The following KYAT1 variants were observed in gnomAD, a reference collection of about 807,000 sequenced individuals.
KYAT1 encodes kynurenine aminotransferase 1.
A neutral mutation model predicts 52.4 loss-of-function variants in KYAT1; 47 were observed. That is an observed-to-expected ratio of 0.90 (90% CI 0.71 to 1.14). The LOEUF (loss-of-function observed/expected upper bound fraction) is 1.14. Ranked by LOEUF, KYAT1 falls within the 50% of genes most tolerant of loss-of-function variation. KYAT1 has a pLI of 0.00. For missense variants in KYAT1, 480 were observed against 557.9 expected, an observed-to-expected ratio of 0.86 and a Z score of 1.41; for synonymous variants, 212 against 209.6, an observed-to-expected ratio of 1.01 and a Z score of -0.10.
Position 128,869,694 on chromosome 9 carries a change from A to G in KYAT1, c.-7+12203T>C, listed in dbSNP as rs544337430. On this transcript the variant is annotated intron_variant, in intron 1 of 12. Coordinates refer to ENST00000302586, the MANE Select transcript of KYAT1 (RefSeq NM_004059.5). The stretch of plus-strand genomic sequence containing the variant: ...AGCAATCCTCCCGTTTCGGCCTTCC[A>G]AAGTGCTTGGATTACAGGTGTGAGC... Among the ~76,000 whole-genome samples the G allele has an allele frequency of 3.6e-4, 54 of 151,932 alleles. 1 individual carries two copies. The highest frequency in any genetic ancestry group is 1.3e-3 in the African/African-American group (52 of 41,430).
chr9:128,880,685 G>A (rs975900538), intron 1 of KYAT1, among the ~76,000 whole-genome samples: 1 of 151,800 alleles, frequency 6.6e-6, no homozygotes, highest in African/African-American at 2.4e-5. Context: ...CTCGTGATCC[G>A]CCCGCCTCAG....
intron 1 of KYAT1, among the ~76,000 whole-genome samples, chr9:128,862,087 C>G (rs1198278164): frequency 1.3e-5 from 2 of 152,210 alleles, no homozygotes; most frequent in African/African-American, 2.4e-5. Flanking sequence ...ACATCGGACT[C>G]TGTGTCCATC....
chr9:128,879,259 G>A (rs535142703), intron 1 of KYAT1, among the ~76,000 whole-genome samples: 13 of 151,880 alleles, frequency 8.6e-5, no homozygotes, highest in African/African-American at 2.2e-4. Flanking sequence ...GCAGTGAGCC[G>A]AGATTGCACC....
rs182659618 is a variant in KYAT1, at chr9:128,849,359, C to T, written c.-6-3948G>A. On this transcript the variant is annotated intron_variant, in intron 1 of 12. Transcript: ENST00000302586. Reference sequence around the variant, plus strand: ...CCAGGAGGCGGAGGTTGCAGTGAGCCGAGATCACACCACTGCACTCCAGGC... The same window carrying T: ...CCAGGAGGCGGAGGTTGCAGTGAGCTGAGATCACACCACTGCACTCCAGGC... Among the ~76,000 whole-genome samples the T allele has an allele frequency of 3.8e-3, 490 of 128,788 alleles. 2 individuals carry two copies. Among genetic ancestry groups the T allele is most frequent in the African/African-American group, 0.014 (470 of 33,036 alleles). 84.5% of individuals were successfully genotyped at this position (128,788 alleles called of 152,430 possible). A position where few individuals can be genotyped will look rare whatever the true frequency, so the allele number is the denominator to read the frequency against.
intron 1 of KYAT1, among the ~76,000 whole-genome samples, chr9:128,846,221 G>C (rs1833072210): frequency 6.6e-6 from 1 of 152,210 alleles, no homozygotes; most frequent in African/African-American, 2.4e-5. Context: ...CTGAGGTCAG[G>C]AGTTCGAGAC....
intron 1 of KYAT1, among the ~76,000 whole-genome samples, chr9:128,881,574 C>T (rs151327899): frequency 1.3e-3 from 198 of 152,136 alleles, no homozygotes; most frequent in African/African-American, 4.6e-3. Context: ...TATGGAGCTG[C>T]AGAGTTGGAG....
chr9:128,859,537 G>A (rs1179741412), intron 1 of KYAT1, among the ~76,000 whole-genome samples: 11 of 151,806 alleles, frequency 7.2e-5, no homozygotes, highest in South Asian at 2.1e-4. Context: ...GTGTGGTGGC[G>A]CATGCCTGTA....
At chr9:128,871,544 A>G (rs1422608108) in intron 1 of KYAT1, among the ~76,000 whole-genome samples, 2 of 151,976 alleles carry the variant, frequency 1.3e-5, no homozygotes, top group Admixed American at 6.6e-5. Context: ...CCTTGTCTCT[A>G]CAAATAATTT....
chr9:128,855,056 CT>C (rs2119352839), intron 1 of KYAT1, among the ~76,000 whole-genome samples: 1 of 152,262 alleles, frequency 6.6e-6, no homozygotes, highest in East Asian at 1.9e-4. Context: ...AAATTTAGGC[CT>C]AAGGGGACCT....
chr9:128,877,589 A>G (rs1455224856), intron 1 of KYAT1, among the ~76,000 whole-genome samples: 1 of 152,160 alleles, frequency 6.6e-6, no homozygotes, highest in Non-Finnish European at 1.5e-5. Context: ...ACAGGAGACC[A>G]CCAGCCCCTT....
chr9:128,859,039 T>C (rs930245980), intron 1 of KYAT1, among the ~76,000 whole-genome samples: 1 of 148,718 alleles, frequency 6.7e-6, no homozygotes, highest in African/African-American at 2.5e-5. Flanking sequence ...AAAAAGAGTA[T>C]TTTGGAGGAA....
In KYAT1 at chr9:128,833,347, A is replaced by G; in HGVS notation, c.*237T>C. On this transcript the variant is annotated 3_prime_UTR_variant, in exon 13 of 13. Transcript: ENST00000302586. ...AACACAAGACCCTACAAACCCACCTATGGAGGGGCAGGGAGAGGCCCAGGT... is the reference window on the plus strand; with the variant it reads ...AACACAAGACCCTACAAACCCACCTGTGGAGGGGCAGGGAGAGGCCCAGGT... 1 of 603,664 alleles carries G rather than the reference A, an allele frequency of 1.7e-6. No individual in the cohort carries two copies. Among genetic ancestry groups the G allele is most frequent in the Admixed American group, 2.9e-5 (1 of 34,340 alleles). The allele number at this position is 603,664 out of a possible 1,614,324, so 37.4% of individuals were successfully genotyped here.
chr9:128,837,186 C>T (rs1346380780), intron 6 of KYAT1, among the ~76,000 whole-genome samples: 1 of 152,072 alleles, frequency 6.6e-6, no homozygotes, highest in Non-Finnish European at 1.5e-5. Context: ...CCCAGCTACT[C>T]GGGAGGCTGA....
At position 128,837,772 on chromosome 9, in the gene KYAT1, C is replaced by G. The variant is rs370778524; in HGVS notation, c.480G>C (p.Trp160Cys). ...CGGCCAGCTCCATGGGGTCCAGCTG[C>G]CAGTTGCTGCTGGAACCCAGTTCTC... Reference protein sequence around the residue: ...QNGELGSSSNWQLDPMELAGK... With the variant: ...QNGELGSSSNCQLDPMELAGK... Residue 160 changes from tryptophan (W) to cysteine (C), a missense_variant, in exon 6 of 13, where the codon TGG (tryptophan) becomes TGC (cysteine). Coordinates refer to ENST00000302586, the MANE Select transcript of KYAT1 (RefSeq NM_004059.5). The G allele has an allele frequency of 6.2e-7, 1 of 1,613,900 alleles. No homozygotes were observed. Among genetic ancestry groups the G allele is most frequent in the Non-Finnish European group, 8.5e-7 (1 of 1,179,972 alleles).
At chr9:128,840,919 T>C (rs932661089) in intron 3 of KYAT1, among the ~76,000 whole-genome samples, 10 of 152,256 alleles carry the variant, frequency 6.6e-5, no homozygotes, top group Admixed American at 3.9e-4. Flanking sequence ...TCCAGGAATT[T>C]ATCTTAGAGA....
chr9:128,879,621 G>C (rs1419812610), intron 1 of KYAT1, among the ~76,000 whole-genome samples: 2 of 152,170 alleles, frequency 1.3e-5, no homozygotes, highest in Non-Finnish European at 2.9e-5. Context: ...CAGTTTCTTA[G>C]TGGACACCAA....
chr9:128,838,448 C>A, intron 3 of KYAT1, 81 bp from the exon 4 acceptor site: 1 of 1,558,080 alleles, frequency 6.4e-7, no homozygotes, highest in Non-Finnish European at 8.8e-7. Flanking sequence ...AATTCTAGCA[C>A]CTTCCAGCAG....
chr9:128,857,144 G>C lies in KYAT1; in HGVS notation c.-6-11733C>G, dbSNP rs560292386. 7.8e-4 allele frequency among the ~76,000 whole-genome samples: 119 copies of C among 152,370 alleles called. No homozygotes were observed. The Middle Eastern group carries it at 0.01, about 13-fold the overall frequency. On this transcript the variant is annotated intron_variant, in intron 1 of 12. Coordinates refer to ENST00000302586, the MANE Select transcript of KYAT1 (RefSeq NM_004059.5). ...ACATAAATCCGGCCTACGTGCACATGCAGGCATAGTACCTCCCCTTGAACT... is the reference window on the plus strand; with the variant it reads ...ACATAAATCCGGCCTACGTGCACATCCAGGCATAGTACCTCCCCTTGAACT...
chr9:128,837,623 G>T (rs191489685), intron 6 of KYAT1, 62 bp downstream of exon 6: 12 of 1,592,506 alleles, frequency 7.5e-6, no homozygotes, highest in Non-Finnish European at 9.4e-6. Flanking sequence ...CAGCAACTCA[G>T]TAACAGTGCA....
Sources: allele counts gnomAD v4.1 joint callset (sites outside exome capture counted in the v4.1 genomes callset), GRCh38; gene constraint gnomAD v4.1.1; transcripts MANE v1.5; gene names NCBI Gene and HGNC (gene_info 2026-07-23, HGNC 2026-07-21).